NLN: variants seen among roughly 807,000 people sequenced by gnomAD.
The protein encoded by NLN is neurolysin.
NLN carries 64 observed loss-of-function variants against 79.9 expected under a neutral mutation model. That is an observed-to-expected ratio of 0.80 (90% CI 0.65 to 0.99). The LOEUF (loss-of-function observed/expected upper bound fraction) is 0.99. Among genes scored for constraint, NLN ranks in the 50% least tolerant of loss-of-function variants. NLN has a pLI of 0.00. For synonymous variants in NLN, 267 were observed against 296.6 expected (o/e 0.90, Z 1.02); for missense variants, 835 against 858.7 (o/e 0.97, Z 0.34).
chr5:65,740,562 C>G (rs1758845954), intron 1 of NLN, among the ~76,000 whole-genome samples: 1 of 152,058 alleles, frequency 6.6e-6, no homozygotes, highest in African/African-American at 2.4e-5. Flanking sequence ...ACATTTATGT[C>G]TTTAATCCAT....
intron 1 of NLN, among the ~76,000 whole-genome samples, chr5:65,746,730 C>T (rs1340813444): frequency 1.3e-5 from 2 of 152,114 alleles, no homozygotes; most frequent in Non-Finnish European, 2.9e-5. Context: ...CTGAGCCGGG[C>T]GCGGTGGCTC....
In NLN at chr5:65,826,940, A is replaced by G. The variant is rs1278626902; in HGVS notation, c.*4025A>G. 6.6e-6 allele frequency: 1 copy of G among 151,886 alleles called. No individual in the cohort carries two copies. The highest frequency in any genetic ancestry group is 1.5e-5 in the Non-Finnish European group (1 of 67,966). The allele number at this position is 151,886 out of a possible 1,614,324, so 9.4% of individuals were successfully genotyped here. A position where few individuals can be genotyped will look rare whatever the true frequency, so the allele number is the denominator to read the frequency against. On this transcript the variant is annotated 3_prime_UTR_variant, in exon 13 of 13. Transcript: ENST00000380985. Reference sequence around the variant, plus strand: ...AAAAAAAGGAAAAGGAAAGACATACATACCCTCAGTTCTTCGAAAAACAGT... The same window carrying G: ...AAAAAAAGGAAAAGGAAAGACATACGTACCCTCAGTTCTTCGAAAAACAGT...
intron 1 of NLN, among the ~76,000 whole-genome samples, chr5:65,724,516 TG>T (rs1332866110): frequency 6.6e-6 from 1 of 152,224 alleles, no homozygotes; most frequent in Non-Finnish European, 1.5e-5. Flanking sequence ...TTCCACCTTT[TG>T]GCTATTGTGA....
At chr5:65,733,790 G>A (rs1758665311) in intron 1 of NLN, 2 of 608,100 alleles carry the variant, frequency 3.3e-6, no homozygotes, top group South Asian at 4.0e-5. Context: ...CACAATCTCA[G>A]CTCACTGCAA....
intron 1 of NLN, among the ~76,000 whole-genome samples, chr5:65,737,989 G>A (rs143553043): frequency 8.5e-5 from 13 of 152,098 alleles, no homozygotes; most frequent in Non-Finnish European, 1.3e-4. Flanking sequence ...AAATTAGGGC[G>A]TGGTAGCATG....
chr5:65,822,168 T>G (rs1760817464), intron 12 of NLN, among the ~76,000 whole-genome samples: 1 of 152,252 alleles, frequency 6.6e-6, no homozygotes, highest in Non-Finnish European at 1.5e-5. Flanking sequence ...GTAGAGGAAC[T>G]GTGACGTTTT....
intron 6 of NLN, among the ~76,000 whole-genome samples, chr5:65,785,362 GTATGAAATTAAAAAGATAAATTTTACGT>G (rs970976399): frequency 2.6e-5 from 4 of 151,964 alleles, no homozygotes; most frequent in Non-Finnish European, 4.4e-5. Context: ...ATACAACTGG[GTATGAAATTAAAAAGATAAATTTTACGT>G]TATGTGTATT....
At position 65,785,857 on chromosome 5, in the gene NLN, T is replaced by A; in HGVS notation, c.905T>A (p.Phe302Tyr). 6.2e-7 allele frequency: 1 copy of A among 1,613,776 alleles called. No homozygotes were observed. The highest frequency in any genetic ancestry group is 8.5e-7 in the Non-Finnish European group (1 of 1,179,898). ...CTCGGTTATAGCACACATGCTGACT[T>A]CGTCCTTGAAATGAACACTGCAAAG... Reference protein sequence around the residue: ...KLLGYSTHADFVLEMNTAKST... With the variant: ...KLLGYSTHADYVLEMNTAKST... The change falls in exon 7 of 13, where the codon TTC becomes TAC. Residue 302 changes from phenylalanine (F) to tyrosine (Y), a missense_variant. Coordinates refer to ENST00000380985, the MANE Select transcript of NLN (RefSeq NM_020726.5).
At chr5:65,774,986 A>G (rs1024172077) in intron 3 of NLN, among the ~76,000 whole-genome samples, 5 of 151,910 alleles carry the variant, frequency 3.3e-5, no homozygotes, top group African/African-American at 4.8e-5. Context: ...CGGCCTCCCA[A>G]TGCTGGGATT....
chr5:65,790,649 C>G (rs967252484), intron 8 of NLN, among the ~76,000 whole-genome samples: 1 of 152,178 alleles, frequency 6.6e-6, no homozygotes, highest in Admixed American at 6.5e-5. Context: ...ATGAGAACTA[C>G]AATTCAAGAT....
At chr5:65,751,373 T>G (rs1349380450) in intron 1 of NLN, among the ~76,000 whole-genome samples, 4 of 152,228 alleles carry the variant, frequency 2.6e-5, no homozygotes, top group African/African-American at 9.6e-5. Context: ...ATGGTGTTGC[T>G]TTAATGTTTT....
At chr5:65,744,348 G>A (rs1758927945) in intron 1 of NLN, among the ~76,000 whole-genome samples, 2 of 152,104 alleles carry the variant, frequency 1.3e-5, no homozygotes, top group Admixed American at 1.3e-4. Flanking sequence ...TCACAAGTCT[G>A]TACTCTCCTG....
chr5:65,771,963 C>CAAAAAA (rs3081187), intron 3 of NLN, among the ~76,000 whole-genome samples: 102 of 137,802 alleles, frequency 7.4e-4, no homozygotes, highest in Non-Finnish European at 1.0e-3. Flanking sequence ...AAAACAATGA[C>CAAAAAA]AAAAAAAAAA....
intron 8 of NLN, among the ~76,000 whole-genome samples, chr5:65,791,434 TGTA>T (rs966508247): frequency 6.6e-6 from 1 of 152,142 alleles, no homozygotes; most frequent in Non-Finnish European, 1.5e-5. Flanking sequence ...GGCAGGCACT[TGTA>T]GTCCCAGCTA....
chr5:65,757,876 G>A (rs1299374367), intron 1 of NLN, among the ~76,000 whole-genome samples: 1 of 152,122 alleles, frequency 6.6e-6, no homozygotes, highest in African/African-American at 2.4e-5. Flanking sequence ...CGCTAAACTT[G>A]CAAGGTTTTT....
chr5:65,758,534 C>T, intron 1 of NLN, 33 bp from the exon 2 acceptor site: 1 of 1,527,776 alleles, frequency 6.5e-7, no homozygotes, highest in Non-Finnish European at 9.0e-7. Context: ...AACAGAAATC[C>T]CTAATTCTTA....
chr5:65,753,053 G>A (rs1012162594), intron 1 of NLN, among the ~76,000 whole-genome samples: 3 of 152,170 alleles, frequency 2.0e-5, no homozygotes, highest in Admixed American at 6.5e-5. Context: ...GTGTCCGGCC[G>A]AGGTGGAGGT....
chr5:65,735,845 T>C (rs535168559), intron 1 of NLN, among the ~76,000 whole-genome samples: 1 of 152,324 alleles, frequency 6.6e-6, no homozygotes, highest in Non-Finnish European at 1.5e-5. Flanking sequence ...CCTTATCTCC[T>C]GGCCTTAAAT....
intron 12 of NLN, chr5:65,818,933 T>C (rs948778206): frequency 1.3e-5 from 2 of 152,180 alleles, no homozygotes; most frequent in South Asian, 4.1e-4. Context: ...CCAATCTGTT[T>C]CCCATTTATA....
Sources: allele counts gnomAD v4.1 joint callset (sites outside exome capture counted in the v4.1 genomes callset), GRCh38; gene constraint gnomAD v4.1.1; transcripts MANE v1.5; gene names NCBI Gene and HGNC (gene_info 2026-07-23, HGNC 2026-07-21).